Variants in NAT10 observed in about 807,000 individuals in gnomAD.
NAT10 encodes N-acetyltransferase 10.
In NAT10, 109 loss-of-function variants were observed where a neutral mutation model predicts 132.2. That is an observed-to-expected ratio of 0.82 (90% CI 0.71 to 0.97). The LOEUF (loss-of-function observed/expected upper bound fraction) is 0.97. Ranked by LOEUF, NAT10 falls within the 50% of genes least tolerant of loss-of-function variation. The pLI is 0.00. For synonymous variants in NAT10, 479 were observed against 478.0 expected, an observed-to-expected ratio of 1.00 and a Z score of -0.03; for missense variants, 1,184 against 1,263.4, an observed-to-expected ratio of 0.94 and a Z score of 0.95.
chr11:34,142,370 G>C (rs765790416), intron 27 of NAT10, 22 bp downstream of exon 27: 1 of 1,611,496 alleles, frequency 6.2e-7, no homozygotes, highest in Admixed American at 1.7e-5. Context: ...GGGAAGCAGA[G>C]GGTTTGCCTT....
chr11:34,112,785 T>TTG (rs151229097), intron 4 of NAT10, among the ~76,000 whole-genome samples: 44 of 151,498 alleles, frequency 2.9e-4, no homozygotes, highest in East Asian at 2.1e-3. Flanking sequence ...AAGTTTCACT[T>TTG]TGTGTGTGTG....
intron 5 of NAT10, 80 bp downstream of exon 5, chr11:34,113,918 C>G (rs112626590): frequency 5.8e-6 from 9 of 1,545,380 alleles, no homozygotes; most frequent in African/African-American, 2.7e-5. Context: ...TTAAAGAATT[C>G]CTGTTGGGCA....
chr11:34,143,544 C>A lies in NAT10; in HGVS notation c.2969+16C>A. 6.2e-7 allele frequency: 1 copy of A among 1,611,518 alleles called. No individual in the cohort carries two copies. The highest frequency in any genetic ancestry group is 1.1e-5 in the South Asian group (1 of 90,582). On this transcript the variant is annotated intron_variant, in intron 28 of 28. Coordinates refer to ENST00000257829, the MANE Select transcript of NAT10 (RefSeq NM_024662.3). Reference sequence around the variant, plus strand: ...GCCTGAAAAGGTGAGGGCCCAGGGTCTGATGTGCATCTGGCGGAAGAGGCA... The same window carrying A: ...GCCTGAAAAGGTGAGGGCCCAGGGTATGATGTGCATCTGGCGGAAGAGGCA...
rs375060299 is a variant in NAT10, at chr11:34,130,932, C to T, written c.1364C>T (p.Ala455Val). The change falls in exon 13 of 29, where the codon GCA becomes GTA. Residue 455 changes from alanine to valine, a missense_variant. By Grantham distance (64) the Ala-to-Val change is moderately conservative. Coordinates refer to ENST00000257829, the MANE Select transcript of NAT10 (RefSeq NM_024662.3). ...AAGACCACGACGACAGCCAGATTGGCATCAGGTACCCCAGAACCTGACCCG... is the reference window on the plus strand; with the variant it reads ...AAGACCACGACGACAGCCAGATTGGTATCAGGTACCCCAGAACCTGACCCG... ...ENKTTTTARL[A>V]SARTLYEVSL... The T allele has an allele frequency of 1.2e-6, 2 of 1,613,890 alleles. No homozygotes were observed. Among genetic ancestry groups the T allele is most frequent in the Non-Finnish European group, 1.7e-6 (2 of 1,179,920 alleles).
intron 4 of NAT10, 33 bp downstream of exon 4, chr11:34,112,256 C>A: frequency 6.2e-7 from 1 of 1,613,490 alleles, no homozygotes; most frequent in South Asian, 1.1e-5. Flanking sequence ...TGATTGAAGT[C>A]AGAGTCTTGA....
intron 8 of NAT10, among the ~76,000 whole-genome samples, chr11:34,121,946 C>T (rs1345464000): frequency 6.7e-6 from 1 of 149,468 alleles, no homozygotes; most frequent in Non-Finnish European, 1.5e-5. Flanking sequence ...GAGGCTGAGG[C>T]AGGCGGATCG....
rs1415117296 is a variant in NAT10, at chr11:34,138,144, G to T, written c.2212-1047G>T. On this transcript the variant is annotated intron_variant, in intron 21 of 28. Coordinates refer to ENST00000257829, the MANE Select transcript of NAT10 (RefSeq NM_024662.3). ...TTCGATCCTGCAATTAGTGGTATGGGTGAGGGGGGCTGACTGCCAGAGTGC... is the reference window on the plus strand; with the variant it reads ...TTCGATCCTGCAATTAGTGGTATGGTTGAGGGGGGCTGACTGCCAGAGTGC... Among the ~76,000 whole-genome samples, 3 of 152,232 alleles carry T rather than the reference G, an allele frequency of 2.0e-5. No individual in the cohort carries two copies. The South Asian group carries it at 6.2e-4, about 32-fold the overall frequency.
intron 16 of NAT10, among the ~76,000 whole-genome samples, chr11:34,133,988 TAAA>T (rs780216626): frequency 4.9e-5 from 6 of 122,212 alleles, no homozygotes; most frequent in African/African-American, 6.0e-5. Context: ...CCTTCTCTAC[TAAA>T]AAAAAAAAAA....
chr11:34,117,386 G>A (rs948432679), intron 6 of NAT10, among the ~76,000 whole-genome samples: 1 of 152,162 alleles, frequency 6.6e-6, no homozygotes, highest in Non-Finnish European at 1.5e-5. Flanking sequence ...GGTGGGTGCC[G>A]TGGGCATCCG....
At chr11:34,116,167 G>A (rs1590762988) in intron 6 of NAT10, among the ~76,000 whole-genome samples, 1 of 152,162 alleles carries the variant, frequency 6.6e-6, no homozygotes, top group Non-Finnish European at 1.5e-5. Flanking sequence ...TCTTTTAAAT[G>A]AGTGATTTTT....
chr11:34,128,149 T>C (rs1020046527), intron 12 of NAT10, among the ~76,000 whole-genome samples: 8 of 151,578 alleles, frequency 5.3e-5, no homozygotes, highest in African/African-American at 1.7e-4. Flanking sequence ...AGGTCAGGAG[T>C]TCGAGACCAG....
Position 34,141,195 on chromosome 11 carries a change from G to C in NAT10, c.2699G>C (p.Arg900Pro). Residue 900 changes from arginine (R) to proline (P), a missense_variant, in exon 25 of 29, where the codon CGC becomes CCC. Transcript: ENST00000257829. Reference protein sequence around the residue: ...QLMGLFNRIIRKVVKLFNEVQ... With the variant: ...QLMGLFNRIIPKVVKLFNEVQ... ...ATGGGACTTTTCAACCGGATCATCC[G>C]CAAAGTTGTGAAGGTAACCTCAGCC... The C allele has an allele frequency of 6.2e-7, 1 of 1,613,890 alleles. No homozygotes were observed. The highest frequency in any genetic ancestry group is 1.7e-4 in the Middle Eastern group (1 of 6,044).
chr11:34,134,239 C>T (rs1013196478), intron 16 of NAT10, 80 bp from the exon 17 acceptor site: 48 of 1,242,548 alleles, frequency 3.9e-5, no homozygotes, highest in East Asian at 2.3e-4. Context: ...TGGCCTAGTT[C>T]GAGAAACAAG....
At position 34,124,285 on chromosome 11, in the gene NAT10, G is replaced by A; in HGVS notation, c.1009-17G>A. ...AACTTGTTTCTAAAGTTTGTCATTGGTTTGACTCCCCACCAGGAACATCTG... is the reference window on the plus strand; with the variant it reads ...AACTTGTTTCTAAAGTTTGTCATTGATTTGACTCCCCACCAGGAACATCTG... On this transcript the variant is annotated splice_polypyrimidine_tract_variant and intron_variant, in intron 10 of 28. Coordinates refer to ENST00000257829, the MANE Select transcript of NAT10 (RefSeq NM_024662.3). 1.3e-6 allele frequency: 2 copies of A among 1,561,012 alleles called. No homozygotes were observed. The highest frequency in any genetic ancestry group is 1.8e-6 in the Non-Finnish European group (2 of 1,138,078).
intron 1 of NAT10, among the ~76,000 whole-genome samples, chr11:34,106,760 G>A: frequency 6.6e-6 from 1 of 152,054 alleles, no homozygotes; most frequent in East Asian, 1.9e-4. Context: ...TCTCCTTTAC[G>A]TATAAATTGG....
chr11:34,108,720 CTG>C lies in NAT10; in HGVS notation c.109-19_109-18del. On this transcript the variant is annotated intron_variant, in intron 2 of 28. Coordinates refer to ENST00000257829, the MANE Select transcript of NAT10 (RefSeq NM_024662.3). Reference sequence around the variant, plus strand: ...TAAAGTCTCTTTTGTGCCTGAAATTCTGTGACTTTTTTGTTTGGCAGGTGGTA... The same window carrying C: ...TAAAGTCTCTTTTGTGCCTGAAATTCTGACTTTTTTGTTTGGCAGGTGGTA... 1 of 1,598,600 alleles carries C rather than the reference CTG, an allele frequency of 6.3e-7. No homozygotes were observed. The highest frequency in any genetic ancestry group is 8.5e-7 in the Non-Finnish European group (1 of 1,173,302).
intron 11 of NAT10, among the ~76,000 whole-genome samples, chr11:34,126,693 G>C (rs1298544433): frequency 4.6e-5 from 7 of 152,168 alleles, no homozygotes; most frequent in African/African-American, 1.7e-4. Context: ...TCTCCCTGCT[G>C]TCTTTAGCAT....
intron 28 of NAT10, 40 bp downstream of exon 28, chr11:34,143,568 C>CCAGA: frequency 6.4e-7 from 1 of 1,560,574 alleles, no homozygotes; most frequent in Non-Finnish European, 8.8e-7. Context: ...GCGGAAGAGG[C>CCAGA]ATTCTGGCCT....
Position 34,108,192 on chromosome 11 carries a change from GTA to G in NAT10, c.-15-17_-15-16del, listed in dbSNP as rs1851629697. 1.9e-6 allele frequency: 3 copies of G among 1,558,418 alleles called. No homozygotes were observed. The African/African-American group carries it at 4.1e-5, about 21-fold the overall frequency. ...GACAATCTAGTGCGCATGGCCAGTT[GTA>G]TTTCTTTCTCTTTTAGTAATAATTT... On this transcript the variant is annotated splice_polypyrimidine_tract_variant and intron_variant, in intron 1 of 28. Transcript: ENST00000257829.
Sources: allele counts gnomAD v4.1 joint callset (sites outside exome capture counted in the v4.1 genomes callset), GRCh38; gene constraint gnomAD v4.1.1; transcripts MANE v1.5; gene names NCBI Gene and HGNC (gene_info 2026-07-23, HGNC 2026-07-21).